Variants in NRP1 observed in about 807,000 individuals in gnomAD.
NRP1 encodes the protein neuropilin-1.
NRP1 carries 35 observed loss-of-function variants against 106.7 expected under a neutral mutation model. That is an observed-to-expected ratio of 0.33 (90% CI 0.25 to 0.43). The LOEUF is 0.43. Ranked by LOEUF, NRP1 falls within the 20% of genes least tolerant of loss-of-function variation. NRP1 has a pLI of 1.00. For missense variants in NRP1, 1,024 were observed against 1,170.4 expected, an observed-to-expected ratio of 0.87 and a Z score of 1.83; for synonymous variants, 437 against 417.9, an observed-to-expected ratio of 1.05 and a Z score of -0.56.
Position 33,192,149 on chromosome 10 carries a change from T to C in NRP1, c.2062+132A>G, listed in dbSNP as rs959369035. On this transcript the variant is annotated intron_variant, in intron 13 of 16. Coordinates refer to ENST00000374867, the MANE Select transcript of NRP1 (RefSeq NM_003873.7). ...AGACATTGTTAATTCTAGAAAATAATAGCACATGTGAACGCCTGTAGTAAT... is the reference window on the plus strand; with the variant it reads ...AGACATTGTTAATTCTAGAAAATAACAGCACATGTGAACGCCTGTAGTAAT... 5 of 898,072 alleles carry C rather than the reference T, an allele frequency of 5.6e-6. No individual in the cohort carries two copies. The African/African-American group carries it at 6.7e-5, about 12-fold the overall frequency. The allele number at this position is 898,072 out of a possible 1,614,324, so 55.6% of individuals were successfully genotyped here.
chr10:33,204,303 T>A (rs185262719), intron 10 of NRP1, among the ~76,000 whole-genome samples: 1 of 152,232 alleles, frequency 6.6e-6, no homozygotes, highest in Admixed American at 6.5e-5. Context: ...GAGCCAAGTT[T>A]CAACTTCTTC....
At chr10:33,201,978 A>G (rs1335610887) in intron 11 of NRP1, 3 of 152,188 alleles carry the variant, frequency 2.0e-5, no homozygotes, top group East Asian at 3.9e-4. Flanking sequence ...GTTACATGGT[A>G]ACGCCTTCAG....
chr10:33,314,784 C>T (rs76932011), intron 2 of NRP1, among the ~76,000 whole-genome samples: 7,340 of 152,162 alleles, frequency 0.048, 208 homozygotes, highest in Middle Eastern at 0.078. Flanking sequence ...GGACAGGAGG[C>T]TTGTTATTTT....
At chr10:33,263,571 A>G (rs1842719134) in intron 4 of NRP1, 75 bp downstream of exon 4, 1 of 1,085,814 alleles carries the variant, frequency 9.2e-7, no homozygotes. Context: ...TTCATGTATC[A>G]TGAGACTTGT....
chr10:33,207,809 A>G, intron 9 of NRP1, 93 bp from the exon 10 acceptor site: 1 of 1,376,372 alleles, frequency 7.3e-7, no homozygotes, highest in Non-Finnish European at 9.9e-7. Flanking sequence ...GACTCTGAAT[A>G]AGGCAGAGAA....
chr10:33,234,632 T>C (rs568064528), intron 6 of NRP1, among the ~76,000 whole-genome samples: 32 of 152,092 alleles, frequency 2.1e-4, no homozygotes, highest in Admixed American at 7.2e-4. Context: ...AGGATAACAA[T>C]TGAACACTTT....
chr10:33,324,298 G>A (rs1045732687), intron 2 of NRP1, among the ~76,000 whole-genome samples: 1 of 152,190 alleles, frequency 6.6e-6, no homozygotes, highest in Non-Finnish European at 1.5e-5. Context: ...TTCTTCTGAG[G>A]AGGGTTCATT....
At chr10:33,300,492 G>C (rs1385767146) in intron 2 of NRP1, among the ~76,000 whole-genome samples, 1 of 152,162 alleles carries the variant, frequency 6.6e-6, no homozygotes, top group Non-Finnish European at 1.5e-5. Context: ...AGGATTATCT[G>C]ACAGGAGGAT....
At chr10:33,291,573 C>T (rs541280150) in intron 2 of NRP1, among the ~76,000 whole-genome samples, 1 of 152,268 alleles carries the variant, frequency 6.6e-6, no homozygotes, top group Non-Finnish European at 1.5e-5. Flanking sequence ...GTTGTGGAAA[C>T]CTGGACTTCA....
At chr10:33,248,234 G>C (rs947530226) in intron 6 of NRP1, among the ~76,000 whole-genome samples, 3 of 152,122 alleles carry the variant, frequency 2.0e-5, no homozygotes, top group African/African-American at 7.2e-5. Flanking sequence ...AGGTTGCAGC[G>C]AGCCAAGATC....
chr10:33,293,525 C>G (rs1043688875), intron 2 of NRP1, among the ~76,000 whole-genome samples: 6 of 152,122 alleles, frequency 3.9e-5, no homozygotes, highest in Non-Finnish European at 7.3e-5. Context: ...CTAAATGCTA[C>G]CGATAAGGAA....
intron 6 of NRP1, among the ~76,000 whole-genome samples, chr10:33,228,561 C>T (rs2132963017): frequency 6.6e-6 from 1 of 152,278 alleles, no homozygotes; most frequent in East Asian, 1.9e-4. Context: ...CACAGCCTGC[C>T]TCATGGAGGC....
rs777499693 is a variant in NRP1 at position 33,185,703 on chromosome 10, C to T, written c.2356G>A (p.Gly786Arg). ...GCAATCCCACCAAGGTTTCCTTTTC[C>T]GATTTCGCCCTCGAAAATCACCTAA... ...LYQVIFEGEI[G>R]KGNLGGIAVD... The change falls in exon 15 of 17, where the codon GGA (glycine) becomes AGA (arginine). Residue 786 changes from glycine (G) to arginine (R), a missense_variant. Transcript: ENST00000374867. 25 of 1,613,850 alleles carry T rather than the reference C, an allele frequency of 1.5e-5. No homozygotes were observed. The highest frequency in any genetic ancestry group is 6.6e-5 in the South Asian group (6 of 91,068).
At chr10:33,332,087 G>A (rs1848323085) in intron 1 of NRP1, among the ~76,000 whole-genome samples, 1 of 151,894 alleles carries the variant, frequency 6.6e-6, no homozygotes. Flanking sequence ...GAAAGATGAA[G>A]TGCACATCAA....
chr10:33,264,129 G>A (rs2133247845), intron 3 of NRP1, among the ~76,000 whole-genome samples: 1 of 152,268 alleles, frequency 6.6e-6, no homozygotes, highest in African/African-American at 2.4e-5. Flanking sequence ...GGAAAAATAT[G>A]ACAAATATAA....
chr10:33,213,359 G>T (rs1438644604), intron 9 of NRP1, 27 bp downstream of exon 9: 2 of 1,614,080 alleles, frequency 1.2e-6, no homozygotes, highest in Admixed American at 3.3e-5. Context: ...CATAAGGGAT[G>T]ACCTCCTCCC....
intron 9 of NRP1, among the ~76,000 whole-genome samples, chr10:33,208,128 G>A (rs548717761): frequency 2.0e-5 from 3 of 152,246 alleles, no homozygotes; most frequent in African/African-American, 4.8e-5. Flanking sequence ...GTTTCACCAT[G>A]TTGCCCAGGC....
At chr10:33,321,844 C>G (rs1029171636) in intron 2 of NRP1, among the ~76,000 whole-genome samples, 3 of 152,174 alleles carry the variant, frequency 2.0e-5, no homozygotes, top group African/African-American at 7.2e-5. Flanking sequence ...TGGAAGCTCT[C>G]TCCGTGACAT....
At chr10:33,310,481 CCTCAAGTGAT>C (rs1329715800) in intron 2 of NRP1, among the ~76,000 whole-genome samples, 1 of 151,592 alleles carries the variant, frequency 6.6e-6, no homozygotes, top group Non-Finnish European at 1.5e-5. Flanking sequence ...GAACTCCTGA[CCTCAAGTGAT>C]TCACTCGACT....
Sources: gnomAD v4.1 joint callset for allele counts (sites outside exome capture counted in the v4.1 genomes callset) on GRCh38, gnomAD v4.1.1 for gene constraint, MANE v1.5 for transcripts, NCBI Gene and HGNC (gene_info 2026-07-23, HGNC 2026-07-21) for gene names.